Variants in BATF3 observed in about 807,000 individuals in gnomAD.
BATF3 encodes the protein basic leucine zipper transcriptional factor ATF-like 3.
In BATF3, 8 loss-of-function variants were observed where a neutral mutation model predicts 16.1. That is an observed-to-expected ratio of 0.50 (90% CI 0.29 to 0.90). The LOEUF (loss-of-function observed/expected upper bound fraction) is 0.90, where lower values mean the gene tolerates loss of function less well. BATF3 is among the 40% of genes least tolerant of loss of function. The pLI is 0.08. For synonymous variants in BATF3, 74 were observed against 72.7 expected, an observed-to-expected ratio of 1.02 and a Z score of -0.09; for missense variants, 139 against 167.0, an observed-to-expected ratio of 0.83 and a Z score of 0.92.
chr1:212,690,610 C>T (rs1490464623), intron 2 of BATF3, among the ~76,000 whole-genome samples: 1 of 152,146 alleles, frequency 6.6e-6, no homozygotes, highest in African/African-American at 2.4e-5. Flanking sequence ...AGAAATGAAA[C>T]CCACCTCACA....
chr1:212,695,994 G>C (rs911336568), intron 2 of BATF3, among the ~76,000 whole-genome samples: 2 of 152,180 alleles, frequency 1.3e-5, no homozygotes, highest in Non-Finnish European at 2.9e-5. Context: ...TACATCACAG[G>C]AGCCTGCAGT....
chr1:212,699,398 A>T lies in BATF3; in HGVS notation c.90+275T>A, dbSNP rs985300591. On this transcript the variant is annotated intron_variant, in intron 1 of 2. Transcript: ENST00000243440. This position sits in a 1 kb window ranked among gnomAD's most constrained non-coding sequence, Gnocchi z 4.4. ...AGCACCGGCCATGCCCGGCCCAGCC[A>T]GGCGTCGGCGCCCTCGGGCTTCTTC... Among the ~76,000 whole-genome samples, 1 of 151,776 alleles carries T rather than the reference A, an allele frequency of 6.6e-6. No homozygotes were observed. Among genetic ancestry groups the T allele is most frequent in the African/African-American group, 2.4e-5 (1 of 41,316 alleles).
At chr1:212,691,604 C>G (rs1656999932) in intron 2 of BATF3, among the ~76,000 whole-genome samples, 1 of 152,250 alleles carries the variant, frequency 6.6e-6, no homozygotes, top group Non-Finnish European at 1.5e-5. Context: ...CACATGGGTG[C>G]TGCCATGAAG....
At chr1:212,691,579 A>G (rs1189562379) in intron 2 of BATF3, among the ~76,000 whole-genome samples, 1 of 152,252 alleles carries the variant, frequency 6.6e-6, no homozygotes, top group Non-Finnish European at 1.5e-5. Flanking sequence ...TGAGTGCCAC[A>G]ATCAGTTTCT....
At position 212,689,619 on chromosome 1, in the gene BATF3, T is replaced by A. The variant is rs1004244039; in HGVS notation, c.196-2640A>T. Among the ~76,000 whole-genome samples the A allele has an allele frequency of 6.6e-6, 1 of 152,038 alleles. No individual in the cohort carries two copies. Among genetic ancestry groups the A allele is most frequent in the Admixed American group, 6.6e-5 (1 of 15,256 alleles). ...CAAGGGGAGAGTCTGGATGGGAGGA[T>A]GGGATGGAAGCCAGGGCGTCAAGGG... On this transcript the variant is annotated intron_variant, in intron 2 of 2. Coordinates refer to ENST00000243440, the MANE Select transcript of BATF3 (RefSeq NM_018664.3). The surrounding 1 kb of genome is among the most constrained non-coding windows in gnomAD (Gnocchi z 4.6).
intron 2 of BATF3, among the ~76,000 whole-genome samples, chr1:212,696,650 A>T (rs1657139899): frequency 6.6e-6 from 1 of 152,192 alleles, no homozygotes; most frequent in Non-Finnish European, 1.5e-5. Flanking sequence ...AGGGAAACAA[A>T]ACAAAACAGG....
chr1:212,697,087 G>T (rs375010561), intron 1 of BATF3, 22 bp from the exon 2 acceptor site: 3 of 1,586,272 alleles, frequency 1.9e-6, no homozygotes, highest in Middle Eastern at 3.3e-4. Context: ...CACTGGGTGG[G>T]TGTGATGTCG....
rs1656956823 is a variant in BATF3 at position 212,689,842 on chromosome 1, C to T, written c.196-2863G>A. 6.6e-6 allele frequency among the ~76,000 whole-genome samples: 1 copy of T among 150,522 alleles called. No individual in the cohort carries two copies. The highest frequency in any genetic ancestry group is 1.9e-4 in the East Asian group (1 of 5,134). ...ACACTCTCACACACACACACTCATACACAACCACAGACACACACACAGATA... is the reference window on the plus strand; with the variant it reads ...ACACTCTCACACACACACACTCATATACAACCACAGACACACACACAGATA... On this transcript the variant is annotated intron_variant, in intron 2 of 2. Transcript: ENST00000243440. This position sits in a 1 kb window ranked among gnomAD's most constrained non-coding sequence, Gnocchi z 4.6.
rs543406203 is a variant in BATF3, at chr1:212,699,083, C to T, written c.90+590G>A. ...AGACCCAGGCAAAGTTTCCAGACGGCCGTCCCTGTGGCCAACCTGGTCTCC... is the reference window on the plus strand; with the variant it reads ...AGACCCAGGCAAAGTTTCCAGACGGTCGTCCCTGTGGCCAACCTGGTCTCC... On this transcript the variant is annotated intron_variant, in intron 1 of 2. Transcript: ENST00000243440. This position sits in a 1 kb window ranked among gnomAD's most constrained non-coding sequence, Gnocchi z 4.4. 2.0e-5 allele frequency among the ~76,000 whole-genome samples: 3 copies of T among 152,370 alleles called. No individual in the cohort carries two copies. The highest frequency in any genetic ancestry group is 2.0e-4 in the Admixed American group (3 of 15,312).
intron 2 of BATF3, among the ~76,000 whole-genome samples, chr1:212,690,615 C>G (rs1656979329): frequency 6.6e-6 from 1 of 152,148 alleles, no homozygotes; most frequent in African/African-American, 2.4e-5. Context: ...TGAAACCCAC[C>G]TCACACCCAG....
chr1:212,688,000 G>GAAAGAAAGGAAGA (rs397956793), intron 2 of BATF3, among the ~76,000 whole-genome samples: 1 of 66,558 alleles, frequency 1.5e-5, no homozygotes, highest in South Asian at 6.8e-4. Flanking sequence ...AGAAAGAAAG[G>GAAAGAAAGGAAGA]AAGGAAGGAA....
In BATF3 at chr1:212,699,612, GC is replaced by G. The variant is rs1553247725; in HGVS notation, c.90+60del. 4 of 1,227,150 alleles carry G rather than the reference GC, an allele frequency of 3.3e-6. No homozygotes were observed. The highest frequency in any genetic ancestry group is 3.1e-5 in the South Asian group (1 of 32,452). 76.0% of individuals were successfully genotyped at this position (1,227,150 alleles called of 1,614,324 possible). On this transcript the variant is annotated intron_variant, in intron 1 of 2. Transcript: ENST00000243440. This position sits in a 1 kb window ranked among gnomAD's most constrained non-coding sequence, Gnocchi z 4.4. ...ACGGAACTCCAGCACCCACCTCCTC[GC>G]CCCCCGCGGCGCGCCGGTCCCCGCA...
intron 2 of BATF3, among the ~76,000 whole-genome samples, chr1:212,691,109 G>A (rs1400745750): frequency 6.6e-6 from 1 of 152,166 alleles, no homozygotes; most frequent in Non-Finnish European, 1.5e-5. Context: ...GCATCTAGGA[G>A]CAGGTGACTG....
At position 212,699,280 on chromosome 1, in the gene BATF3, G is replaced by A. The variant is rs1369450930; in HGVS notation, c.90+393C>T. Among the ~76,000 whole-genome samples the A allele has an allele frequency of 6.6e-6, 1 of 151,842 alleles. No homozygotes were observed. Among genetic ancestry groups the A allele is most frequent in the African/African-American group, 2.4e-5 (1 of 41,304 alleles). On this transcript the variant is annotated intron_variant, in intron 1 of 2. Coordinates refer to ENST00000243440, the MANE Select transcript of BATF3 (RefSeq NM_018664.3). The surrounding 1 kb of genome is among the most constrained non-coding windows in gnomAD (Gnocchi z 4.4). Reference sequence around the variant, plus strand: ...CACCCCCCCCACCCGGGGGAATCCTGGAGGGGCTACAGGCGCGGGTGGTGG... The same window carrying A: ...CACCCCCCCCACCCGGGGGAATCCTAGAGGGGCTACAGGCGCGGGTGGTGG...
intron 2 of BATF3, among the ~76,000 whole-genome samples, chr1:212,695,386 C>T (rs6669165): frequency 0.5 from 74,252 of 148,984 alleles, 18,733 homozygotes; most frequent in East Asian, 0.61. Context: ...TCCAGCTACT[C>T]GGGAGGCTAA....
At chr1:212,691,424 C>T (rs1485090910) in intron 2 of BATF3, among the ~76,000 whole-genome samples, 1 of 152,170 alleles carries the variant, frequency 6.6e-6, no homozygotes, top group African/African-American at 2.4e-5. Flanking sequence ...TTTTAGTTAG[C>T]AGTGCCTGGG....
intron 2 of BATF3, among the ~76,000 whole-genome samples, chr1:212,694,036 A>G (rs951151592): frequency 6.6e-6 from 1 of 152,206 alleles, no homozygotes; most frequent in African/African-American, 2.4e-5. Context: ...TTGTAAGTGA[A>G]AGAGGGTGTC....
chr1:212,696,265 TGTG>T (rs1457313265), intron 2 of BATF3, among the ~76,000 whole-genome samples: 1 of 151,470 alleles, frequency 6.6e-6, no homozygotes, highest in African/African-American at 2.4e-5. Flanking sequence ...AACTAGGAAA[TGTG>T]GTCTTTTAGA....
chr1:212,688,378 C>T (rs1656912792), intron 2 of BATF3, among the ~76,000 whole-genome samples: 1 of 152,178 alleles, frequency 6.6e-6, no homozygotes, highest in Non-Finnish European at 1.5e-5. Flanking sequence ...GTGGCAGTGA[C>T]CTCTCCTGTG....
Sources: gnomAD v4.1 joint callset for allele counts (sites outside exome capture counted in the v4.1 genomes callset) on GRCh38, gnomAD v4.1.1 for gene constraint, Gnocchi (gnomAD v3.1) non-coding constraint, MANE v1.5 for transcripts, NCBI Gene and HGNC (gene_info 2026-07-23, HGNC 2026-07-21) for gene names.